The following RORA variants were observed in gnomAD, a reference collection of about 807,000 sequenced individuals.
The protein encoded by RORA is nuclear receptor ROR-alpha.
In RORA, 7 loss-of-function variants were observed where a neutral mutation model predicts 69.5. The observed-to-expected ratio is 0.10, with a 90% confidence interval of 0.06 to 0.19. The LOEUF (loss-of-function observed/expected upper bound fraction) is 0.19, where lower values mean the gene tolerates loss of function less well. Ranked by LOEUF, RORA falls within the 10% of genes least tolerant of loss-of-function variation. RORA has a pLI of 1.00. For synonymous variants in RORA, 261 were observed against 240.8 expected (o/e 1.08, Z -0.78); for missense variants, 457 against 663.0 (o/e 0.69, Z 3.41).
chr15:60,625,827 T>G (rs1288585736), intron 2 of RORA, among the ~76,000 whole-genome samples: 1 of 152,254 alleles, frequency 6.6e-6, no homozygotes, highest in Non-Finnish European at 1.5e-5. Context: ...GCATAAGGCT[T>G]ACACCTCTAA....
chr15:60,653,485 C>T (rs2070176442), intron 2 of RORA, among the ~76,000 whole-genome samples: 1 of 152,176 alleles, frequency 6.6e-6, no homozygotes, highest in Admixed American at 6.5e-5. Context: ...CCCGTCCTCA[C>T]CCTCATCACA....
intron 1 of RORA, among the ~76,000 whole-genome samples, chr15:60,680,903 G>A (rs1000088571): frequency 1.3e-5 from 2 of 152,068 alleles, no homozygotes; most frequent in African/African-American, 4.8e-5. Context: ...CCTGACACAA[G>A]AGCAATATTT....
chr15:60,625,025 C>T (rs1248610945), intron 2 of RORA, among the ~76,000 whole-genome samples: 1 of 152,114 alleles, frequency 6.6e-6, no homozygotes, highest in East Asian at 1.9e-4. Flanking sequence ...AACACTTGCC[C>T]AAGAACTACT....
chr15:60,944,801 T>A (rs1305892429), intron 1 of RORA, among the ~76,000 whole-genome samples: 1 of 150,584 alleles, frequency 6.6e-6, no homozygotes, highest in African/African-American at 2.5e-5. Flanking sequence ...TGCAGAAGGA[T>A]AGAAAAATGT....
intron 1 of RORA, among the ~76,000 whole-genome samples, chr15:61,168,338 C>G (rs930752760): frequency 3.9e-5 from 6 of 152,066 alleles, no homozygotes; most frequent in African/African-American, 1.4e-4. Context: ...AAGCGATTCT[C>G]TTGCCTCACC....
intron 2 of RORA, among the ~76,000 whole-genome samples, chr15:60,654,668 G>A (rs1419513038): frequency 6.6e-6 from 1 of 152,146 alleles, no homozygotes; most frequent in African/African-American, 2.4e-5. Flanking sequence ...GGATTATCTG[G>A]GTGGGCTCAA....
chr15:60,636,142 C>T (rs964688159), intron 2 of RORA, among the ~76,000 whole-genome samples: 6 of 152,190 alleles, frequency 3.9e-5, no homozygotes, highest in African/African-American at 1.4e-4. Flanking sequence ...AGAATGAGAG[C>T]TAAAGAAGCT....
At chr15:61,053,868 T>TATA (rs1375180186) in intron 1 of RORA, among the ~76,000 whole-genome samples, 1 of 140,250 alleles carries the variant, frequency 7.1e-6, no homozygotes, top group African/African-American at 2.7e-5. Context: ...TATATAAACA[T>TATA]TCTTCAGGGA....
intron 1 of RORA, among the ~76,000 whole-genome samples, chr15:60,793,923 T>A (rs1163182473): frequency 6.6e-6 from 1 of 152,164 alleles, no homozygotes; most frequent in Non-Finnish European, 1.5e-5. Context: ...TTCTGCCGGA[T>A]TAAGCAAGCA....
chr15:60,712,190 T>C (rs139181180), intron 1 of RORA, among the ~76,000 whole-genome samples: 395 of 152,250 alleles, frequency 2.6e-3, no homozygotes, highest in Middle Eastern at 6.8e-3. Context: ...ATTCCAGAGG[T>C]GGTATACCAG....
chr15:60,938,379 A>ATTAAGTTTCTGCAGTGG (rs1465316084), intron 1 of RORA, among the ~76,000 whole-genome samples: 1 of 152,216 alleles, frequency 6.6e-6, no homozygotes, highest in African/African-American at 2.4e-5. Flanking sequence ...TACCATGACA[A>ATTAAGTTTCTGCAGTGG]TTAAGTTTCT....
chr15:60,683,110 A>G (rs1211430277), intron 1 of RORA, among the ~76,000 whole-genome samples: 1 of 152,164 alleles, frequency 6.6e-6, no homozygotes, highest in African/African-American at 2.4e-5. Flanking sequence ...TCCCAGGCTC[A>G]AGCCATCCTC....
intron 1 of RORA, among the ~76,000 whole-genome samples, chr15:61,136,847 G>A (rs1170582119): frequency 6.6e-6 from 1 of 151,990 alleles, no homozygotes; most frequent in Non-Finnish European, 1.5e-5. Flanking sequence ...CTTAAAATAA[G>A]GCTCATGAAT....
intron 1 of RORA, among the ~76,000 whole-genome samples, chr15:60,788,458 G>T (rs149102088): frequency 1.5e-3 from 222 of 152,314 alleles, no homozygotes; most frequent in African/African-American, 5.1e-3. Context: ...CCCCTCGATT[G>T]ACTGCTATGT....
chr15:60,888,181 G>C (rs2073772540), intron 1 of RORA, among the ~76,000 whole-genome samples: 1 of 152,212 alleles, frequency 6.6e-6, no homozygotes, highest in Admixed American at 6.5e-5. Context: ...AATGGAGCAA[G>C]GGCTTTCTGT....
chr15:60,667,708 C>G (rs1438525596), intron 2 of RORA, among the ~76,000 whole-genome samples: 1 of 152,150 alleles, frequency 6.6e-6, no homozygotes, highest in African/African-American at 2.4e-5. Flanking sequence ...CAGCTTTAAA[C>G]TCCTGGGCTC....
chr15:61,189,804 C>A (rs1028742290), intron 1 of RORA, among the ~76,000 whole-genome samples: 3 of 118,568 alleles, frequency 2.5e-5, no homozygotes, highest in Non-Finnish European at 3.2e-5. Context: ...TTGCAGTGAG[C>A]CGAGATTGCA....
At chr15:60,884,457 T>C (rs2073729235) in intron 1 of RORA, among the ~76,000 whole-genome samples, 1 of 152,196 alleles carries the variant, frequency 6.6e-6, no homozygotes, top group Non-Finnish European at 1.5e-5. Context: ...TGATTTTATG[T>C]ATATTTGACT....
chr15:60,902,862 C>G (rs1444385771), intron 1 of RORA, among the ~76,000 whole-genome samples: 1 of 152,228 alleles, frequency 6.6e-6, no homozygotes, highest in Non-Finnish European at 1.5e-5. Flanking sequence ...TCTTCTACAG[C>G]TGCCCACGGA....
Sources: allele counts gnomAD v4.1 joint callset (sites outside exome capture counted in the v4.1 genomes callset), GRCh38; gene constraint gnomAD v4.1.1; transcripts MANE v1.5; gene names NCBI Gene and HGNC (gene_info 2026-07-23, HGNC 2026-07-21).